WDR7: variants seen among roughly 807,000 people sequenced by gnomAD.
The protein encoded by WDR7 is WD repeat domain 7, also known as WD repeat-containing protein 7.
A neutral mutation model predicts 169.4 loss-of-function variants in WDR7; 46 were observed. The observed-to-expected ratio is 0.27, with a 90% CI of 0.21 to 0.35. WDR7 has a LOEUF of 0.35. WDR7 is among the 10% of genes least tolerant of loss of function. The pLI, the probability that WDR7 is intolerant of heterozygous loss-of-function variation, is 1.00. For synonymous variants in WDR7, 612 were observed against 666.8 expected, an observed-to-expected ratio of 0.92 and a Z score of 1.27; for missense variants, 1,534 against 1,859.3, an observed-to-expected ratio of 0.83 and a Z score of 3.22.
chr18:56,958,618 C>G (rs915076029), intron 25 of WDR7, among the ~76,000 whole-genome samples: 24 of 152,074 alleles, frequency 1.6e-4, no homozygotes, highest in African/African-American at 4.8e-4. Context: ...AACTGTCAGT[C>G]TCATGCTAAG....
chr18:56,694,260 G>A (rs2025647086), intron 9 of WDR7, among the ~76,000 whole-genome samples: 1 of 152,092 alleles, frequency 6.6e-6, no homozygotes, highest in African/African-American at 2.4e-5. Flanking sequence ...TTTTCTTTTT[G>A]ATAAAGCTTA....
Position 56,670,390 on chromosome 18 carries a change from G to A in WDR7, c.-19-2107G>A, listed in dbSNP as rs1598948320. On this transcript the variant is annotated intron_variant, in intron 1 of 27. Coordinates refer to ENST00000254442, the MANE Select transcript of WDR7 (RefSeq NM_015285.3). ...GCATTCTCTTTAAGCCAGGCAGTAT[G>A]TACTGAGTACGAGTCGCCAACTAGC... 3.3e-5 allele frequency among the ~76,000 whole-genome samples: 5 copies of A among 152,276 alleles called. No homozygotes were observed. In the East Asian group the frequency reaches 9.6e-4, roughly 29 times the overall value.
intron 13 of WDR7, among the ~76,000 whole-genome samples, chr18:56,719,117 C>G (rs191372364): frequency 2.6e-5 from 4 of 152,220 alleles, no homozygotes; most frequent in African/African-American, 7.2e-5. Context: ...TCTCTTGTCT[C>G]TCATTGTAAA....
chr18:56,821,284 A>T (rs2045090834), intron 20 of WDR7, among the ~76,000 whole-genome samples: 1 of 152,240 alleles, frequency 6.6e-6, no homozygotes, highest in Non-Finnish European at 1.5e-5. Context: ...ATCACTTGAC[A>T]ACTTTCTTTT....
chr18:56,724,276 A>G lies in WDR7; in HGVS notation c.1774+6117A>G, dbSNP rs948818782. On this transcript the variant is annotated intron_variant, in intron 13 of 27. Transcript: ENST00000254442. ...GCCCAGGCTGGAGTGCAGTGGCCCA[A>G]TCTCAGTTCACTGCAGTCTCTGCCT... Among the ~76,000 whole-genome samples, 6 of 145,742 alleles carry G rather than the reference A, an allele frequency of 4.1e-5. No homozygotes were observed. In the South Asian group the frequency reaches 8.6e-4, roughly 21 times the overall value.
In WDR7 at chr18:56,785,530, A is replaced by G. The variant is rs773807885; in HGVS notation, c.3190+3874A>G. On this transcript the variant is annotated intron_variant, in intron 19 of 27. Transcript: ENST00000254442. ...TTGTCTAAGAGTCCTTTTCTTACATATTTGTCTGAAAATCAGAAAACGCTC... is the reference window on the plus strand; with the variant it reads ...TTGTCTAAGAGTCCTTTTCTTACATGTTTGTCTGAAAATCAGAAAACGCTC... Among the ~76,000 whole-genome samples, 11 of 152,226 alleles carry G rather than the reference A, an allele frequency of 7.2e-5. No individual in the cohort carries two copies. In the Middle Eastern group the frequency reaches 0.01, roughly 142 times the overall value.
At chr18:56,697,447 C>T (rs1356793861) in intron 12 of WDR7, among the ~76,000 whole-genome samples, 2 of 152,152 alleles carry the variant, frequency 1.3e-5, no homozygotes, top group South Asian at 2.1e-4. Flanking sequence ...CAATGTTTCT[C>T]ATTATTTTTC....
At chr18:56,681,260 G>A in intron 3 of WDR7, 53 bp from the exon 4 acceptor site, 1 of 1,199,224 alleles carries the variant, frequency 8.3e-7, no homozygotes, top group Non-Finnish European at 1.2e-6. Flanking sequence ...TGACAAAGTT[G>A]AATGGTGCTT....
At chr18:56,854,884 TAAAGTATTCCA>T (rs2145383128) in intron 20 of WDR7, among the ~76,000 whole-genome samples, 1 of 152,238 alleles carries the variant, frequency 6.6e-6, no homozygotes, top group African/African-American at 2.4e-5. Flanking sequence ...TTCTGAGGCC[TAAAGTATTCCA>T]ACATAATAAC....
chr18:56,948,420 A>G (rs1249790218), intron 25 of WDR7, among the ~76,000 whole-genome samples: 1 of 152,226 alleles, frequency 6.6e-6, no homozygotes, highest in Non-Finnish European at 1.5e-5. Context: ...ATTCAAAAAA[A>G]AAAAAGATCC....
At chr18:56,760,904 C>T (rs1479077591) in intron 16 of WDR7, among the ~76,000 whole-genome samples, 4 of 152,128 alleles carry the variant, frequency 2.6e-5, no homozygotes, top group Non-Finnish European at 5.9e-5. Flanking sequence ...TTCACTTTAG[C>T]CATTTTGATA....
At chr18:56,844,119 C>T (rs1415599076) in intron 20 of WDR7, among the ~76,000 whole-genome samples, 1 of 151,798 alleles carries the variant, frequency 6.6e-6, no homozygotes, top group Non-Finnish European at 1.5e-5. Flanking sequence ...CCTCGTCCTC[C>T]CAAAGTGCTA....
In WDR7 at chr18:56,736,084, G is replaced by A. The variant is rs114300522; in HGVS notation, c.1989+4487G>A. 5.9e-3 allele frequency among the ~76,000 whole-genome samples: 895 copies of A among 152,240 alleles called. 6 individuals are homozygous for A. Among genetic ancestry groups the A allele is most frequent in the East Asian group, 0.032 (164 of 5,180 alleles). ...ATTATGTTTCTATAACTTGCTAGCCGTGGGTGACCTTGGGCAGGTAAACTC... is the reference window on the plus strand; with the variant it reads ...ATTATGTTTCTATAACTTGCTAGCCATGGGTGACCTTGGGCAGGTAAACTC... On this transcript the variant is annotated intron_variant, in intron 14 of 27. Transcript: ENST00000254442.
chr18:56,976,288 G>C (rs1168801299), intron 26 of WDR7, among the ~76,000 whole-genome samples: 10 of 152,118 alleles, frequency 6.6e-5, no homozygotes, highest in Non-Finnish European at 1.3e-4. Context: ...AGAAGCAAAA[G>C]CTGTATTTTC....
At chr18:56,695,519 G>A (rs1486541766) in intron 11 of WDR7, among the ~76,000 whole-genome samples, 1 of 151,232 alleles carries the variant, frequency 6.6e-6, no homozygotes, top group Non-Finnish European at 1.5e-5. Flanking sequence ...CTCCAGAACA[G>A]TACCATCCAA....
intron 26 of WDR7, among the ~76,000 whole-genome samples, chr18:56,987,427 AT>A (rs1171759217): frequency 6.6e-6 from 1 of 152,080 alleles, no homozygotes; most frequent in Non-Finnish European, 1.5e-5. Context: ...CAGCCCTGAT[AT>A]ACAGATAGGG....
intron 26 of WDR7, among the ~76,000 whole-genome samples, chr18:56,964,623 A>G (rs908944576): frequency 3.3e-5 from 5 of 152,160 alleles, no homozygotes; most frequent in African/African-American, 1.2e-4. Context: ...TGTGACCTCA[A>G]GTGATCCGCC....
intron 21 of WDR7, among the ~76,000 whole-genome samples, chr18:56,919,227 T>C (rs2046674077): frequency 6.6e-6 from 1 of 152,194 alleles, no homozygotes. Flanking sequence ...TAGGGAATTA[T>C]TATATGGTAT....
chr18:56,796,601 C>T (rs561005252), intron 19 of WDR7, among the ~76,000 whole-genome samples: 10 of 152,032 alleles, frequency 6.6e-5, no homozygotes, highest in Admixed American at 4.6e-4. Context: ...CATTTTGTTG[C>T]TAAAAATGAG....
Sources: gnomAD v4.1 joint callset for allele counts (sites outside exome capture counted in the v4.1 genomes callset) on GRCh38, gnomAD v4.1.1 for gene constraint, MANE v1.5 for transcripts, NCBI Gene and HGNC (gene_info 2026-07-23, HGNC 2026-07-21) for gene names.